DOCK2: variants seen among roughly 807,000 people sequenced by gnomAD.
DOCK2 encodes the protein dedicator of cytokinesis protein 2.
In DOCK2, 87 loss-of-function variants were observed where a neutral mutation model predicts 248.9. The observed-to-expected ratio is 0.35, with a 90% CI of 0.29 to 0.42. The LOEUF (loss-of-function observed/expected upper bound fraction) is 0.42. DOCK2 is among the 10% of genes least tolerant of loss of function. The pLI is 1.00. For missense variants in DOCK2, 1,747 were observed against 2,300.2 expected (o/e 0.76, Z 4.92); for synonymous variants, 805 against 821.6 (o/e 0.98, Z 0.35).
At chr5:169,899,333 C>T (rs772962426) in intron 27 of DOCK2, among the ~76,000 whole-genome samples, 3 of 152,182 alleles carry the variant, frequency 2.0e-5, no homozygotes, top group African/African-American at 7.2e-5. Context: ...ACTTCTCTCA[C>T]TCTCTGTAAA....
chr5:170,024,977 C>G (rs1322568288), intron 33 of DOCK2, among the ~76,000 whole-genome samples: 1 of 152,208 alleles, frequency 6.6e-6, no homozygotes, highest in Admixed American at 6.5e-5. Context: ...AAGAAAAGTT[C>G]AGCTCACCAG....
intron 25 of DOCK2, among the ~76,000 whole-genome samples, chr5:169,790,351 C>T (rs261601): frequency 3.7e-4 from 56 of 152,122 alleles, no homozygotes; most frequent in African/African-American, 1.2e-3. Context: ...ATTGTCAGTA[C>T]GTGGTATTAT....
At chr5:169,883,662 G>C in intron 27 of DOCK2, 1 of 1,551,108 alleles carries the variant, frequency 6.4e-7, no homozygotes, top group Non-Finnish European at 8.7e-7. Flanking sequence ...AGGAGAGCGA[G>C]TAGGTGGGGG....
intron 29 of DOCK2, among the ~76,000 whole-genome samples, chr5:169,986,723 A>C (rs1466371847): frequency 6.6e-6 from 1 of 152,146 alleles, no homozygotes; most frequent in Non-Finnish European, 1.5e-5. Context: ...TTAAAACAGC[A>C]TCTTTTTGGT....
At chr5:169,676,100 G>C (rs1028757140) in intron 6 of DOCK2, among the ~76,000 whole-genome samples, 1 of 152,186 alleles carries the variant, frequency 6.6e-6, no homozygotes, top group African/African-American at 2.4e-5. Flanking sequence ...CTCAATGGGG[G>C]CTCCTGAGAA....
chr5:169,835,345 C>T (rs1362255184), intron 26 of DOCK2, among the ~76,000 whole-genome samples: 1 of 150,282 alleles, frequency 6.7e-6, no homozygotes, highest in East Asian at 2.0e-4. Flanking sequence ...ACCTCTGCCT[C>T]CTGGGATCTA....
At chr5:170,030,167 C>T (rs1377430520) in intron 34 of DOCK2, among the ~76,000 whole-genome samples, 1 of 152,202 alleles carries the variant, frequency 6.6e-6, no homozygotes, top group Non-Finnish European at 1.5e-5. Flanking sequence ...GGATGGGGCT[C>T]TGCGGCGGTC....
chr5:169,785,697 A>G (rs906887044), intron 25 of DOCK2, among the ~76,000 whole-genome samples: 1 of 152,194 alleles, frequency 6.6e-6, no homozygotes, highest in African/African-American at 2.4e-5. Flanking sequence ...TTAGTTATCC[A>G]GGGATCCTGG....
chr5:169,886,592 T>C (rs1226742940), intron 27 of DOCK2, among the ~76,000 whole-genome samples: 1 of 152,240 alleles, frequency 6.6e-6, no homozygotes, highest in Non-Finnish European at 1.5e-5. Flanking sequence ...CAACTCACTG[T>C]TAAATGCTAT....
intron 25 of DOCK2, among the ~76,000 whole-genome samples, chr5:169,768,140 G>A (rs926826331): frequency 2.6e-5 from 4 of 152,168 alleles, no homozygotes; most frequent in African/African-American, 9.6e-5. Context: ...AGTGACACCT[G>A]CCAGTTCCAC....
intron 26 of DOCK2, among the ~76,000 whole-genome samples, chr5:169,818,924 A>C (rs1484068991): frequency 1.3e-5 from 2 of 152,162 alleles, no homozygotes; most frequent in Non-Finnish European, 2.9e-5. Context: ...TTTCATCTTA[A>C]TTATTCATGC....
intron 7 of DOCK2, among the ~76,000 whole-genome samples, chr5:169,683,784 C>G (rs1759802282): frequency 6.6e-6 from 1 of 151,892 alleles, no homozygotes; most frequent in African/African-American, 2.4e-5. Context: ...GGTTATTTTC[C>G]TCATAATTAG....
At chr5:169,973,854 C>T (rs1323238478) in intron 27 of DOCK2, among the ~76,000 whole-genome samples, 1 of 152,104 alleles carries the variant, frequency 6.6e-6, no homozygotes, top group Non-Finnish European at 1.5e-5. Flanking sequence ...ATCCATATGT[C>T]CATACATCCA....
chr5:169,962,352 C>T lies in DOCK2; in HGVS notation c.2800-20716C>T, dbSNP rs139701018. On this transcript the variant is annotated intron_variant, in intron 27 of 51. Transcript: ENST00000520908. The stretch of plus-strand genomic sequence containing the variant: ...TGGTCAAGAGTTGGATATGGCCAGT[C>T]AGAAAAAGTGGTAAAGATGTCAAAG... Among the ~76,000 whole-genome samples, 959 of 152,164 alleles carry T rather than the reference C, an allele frequency of 6.3e-3. 5 individuals are homozygous for T. The highest frequency in any genetic ancestry group is 9.6e-3 in the Admixed American group (147 of 15,286).
intron 30 of DOCK2, among the ~76,000 whole-genome samples, chr5:169,998,519 A>T (rs1754725085): frequency 6.6e-6 from 1 of 152,252 alleles, no homozygotes; most frequent in African/African-American, 2.4e-5. Flanking sequence ...GCCAGATCTC[A>T]CGAGAAGCAC....
At chr5:169,818,736 C>T (rs1436313412) in intron 26 of DOCK2, among the ~76,000 whole-genome samples, 1 of 152,108 alleles carries the variant, frequency 6.6e-6, no homozygotes, top group African/African-American at 2.4e-5. Flanking sequence ...CTAATTCTAA[C>T]AGACTGTGTG....
chr5:169,929,818 T>C (rs1775660440), intron 27 of DOCK2, among the ~76,000 whole-genome samples: 1 of 151,842 alleles, frequency 6.6e-6, no homozygotes, highest in South Asian at 2.1e-4. Flanking sequence ...CCTAGCACTT[T>C]CCTATAGACC....
chr5:169,824,495 C>T (rs1464003038), intron 26 of DOCK2, among the ~76,000 whole-genome samples: 1 of 152,188 alleles, frequency 6.6e-6, no homozygotes, highest in African/African-American at 2.4e-5. Flanking sequence ...TGATCTTTGA[C>T]AAACCTGAGA....
chr5:169,830,917 G>A (rs1310033671), intron 26 of DOCK2, among the ~76,000 whole-genome samples: 3 of 152,162 alleles, frequency 2.0e-5, no homozygotes, highest in African/African-American at 4.8e-5. Context: ...CATTCCCACA[G>A]TAGCCTGACA....
Sources: gnomAD v4.1 joint callset for allele counts (sites outside exome capture counted in the v4.1 genomes callset) on GRCh38, gnomAD v4.1.1 for gene constraint, MANE v1.5 for transcripts, NCBI Gene and HGNC (gene_info 2026-07-23, HGNC 2026-07-21) for gene names.